The following ACAA1 variants were observed in gnomAD, a reference collection of about 807,000 sequenced individuals.
ACAA1 encodes acetyl-CoA acyltransferase 1, also known as 3-ketoacyl-CoA thiolase, peroxisomal.
Under a neutral mutation model 48.8 loss-of-function variants are expected in ACAA1, and 44 were observed. The observed-to-expected ratio is 0.90, with a 90% CI of 0.71 to 1.16. The LOEUF (loss-of-function observed/expected upper bound fraction) is 1.16. Ranked by LOEUF, ACAA1 falls within the 50% of genes most tolerant of loss-of-function variation. ACAA1 has a pLI of 0.00. For missense variants in ACAA1, 512 were observed against 562.3 expected, an observed-to-expected ratio of 0.91 and a Z score of 0.90; for synonymous variants, 233 against 226.5, an observed-to-expected ratio of 1.03 and a Z score of -0.26.
At position 38,129,610 on chromosome 3, in the gene ACAA1, C is replaced by T. The variant is rs540085302; in HGVS notation, c.447-222G>A. On this transcript the variant is annotated intron_variant, in intron 5 of 11. Transcript: ENST00000333167. The surrounding 1 kb of genome is among the most constrained non-coding windows in gnomAD (Gnocchi z 5.3). ...ACCCCCACCCCAGGACAGAGCACTG[C>T]ACAATAAACACTCCTGGGGGCAGGG... Among the ~76,000 whole-genome samples, 8 of 152,316 alleles carry T rather than the reference C, an allele frequency of 5.3e-5. No homozygotes were observed. Among genetic ancestry groups the T allele is most frequent in the African/African-American group, 1.7e-4 (7 of 41,584 alleles).
chr3:38,124,686 C>A (rs1700638680), intron 11 of ACAA1: 2 of 145,206 alleles, frequency 1.4e-5, no homozygotes, highest in Non-Finnish European at 3.1e-5. Flanking sequence ...TTATCTTTCA[C>A]AAACGCAGGT....
chr3:38,136,257 A>G (rs1188725754), intron 2 of ACAA1, among the ~76,000 whole-genome samples: 1 of 152,146 alleles, frequency 6.6e-6, no homozygotes, highest in African/African-American at 2.4e-5. Flanking sequence ...CTACACAGAC[A>G]CAGTAACAGT....
chr3:38,133,834 G>T, intron 3 of ACAA1, 118 bp downstream of exon 3: 1 of 1,008,100 alleles, frequency 9.9e-7, no homozygotes, highest in Non-Finnish European at 1.5e-6. Context: ...AAGGACTCTC[G>T]TTGCCTCATT....
At chr3:38,132,187 A>C in intron 3 of ACAA1, 182 bp from the exon 4 acceptor site, 1 of 476,858 alleles carries the variant, frequency 2.1e-6, no homozygotes, top group East Asian at 3.9e-5. Context: ...TACTGGGCAG[A>C]CCCCATCTCT....
chr3:38,133,986 C>T lies in ACAA1; in HGVS notation c.289G>A (p.Gly97Arg), dbSNP rs759328834. The T allele has an allele frequency of 3.7e-5, 59 of 1,613,914 alleles. No individual in the cohort carries two copies. Among genetic ancestry groups the T allele is most frequent in the Admixed American group, 1.7e-4 (10 of 59,956 alleles). The change falls in exon 3 of 12, where the codon GGG becomes AGG. Residue 97 changes from glycine to arginine, a missense_variant. By Grantham distance (125) the Gly-to-Arg change is moderately radical. Transcript: ENST00000333167. ...CVGNVLQPGA[G>R]AIMARIAQFL... ...TGGGCGATTCGGGCCATGATTGCCC[C>T]GGCCCCAGGCTGCAGCACATTTCCT... is the stretch of plus-strand genomic sequence containing the variant.
intron 3 of ACAA1, among the ~76,000 whole-genome samples, chr3:38,132,875 C>T (rs1700816120): frequency 6.6e-6 from 1 of 152,182 alleles, no homozygotes; most frequent in Non-Finnish European, 1.5e-5. Flanking sequence ...CAGGTAGTTA[C>T]CATTCCTTCA....
In ACAA1 at chr3:38,134,070, C is replaced by G. The variant is rs1700840823; in HGVS notation, c.266-61G>C. ...TGGTGTTCTGGGCACTAAAGTATAG[C>G]TGTGAAAACCAGAGATGAGGCATTC... On this transcript the variant is annotated intron_variant, in intron 2 of 11. Transcript: ENST00000333167. 5 of 1,513,334 alleles carry G rather than the reference C, an allele frequency of 3.3e-6. No homozygotes were observed. In the Admixed American group the frequency reaches 9.6e-5, roughly 29 times the overall value. The allele number at this position is 1,513,334 out of a possible 1,614,324, so 93.7% of individuals were successfully genotyped here.
At chr3:38,135,211 C>T (rs1432169604) in intron 2 of ACAA1, 1 of 152,190 alleles carries the variant, frequency 6.6e-6, no homozygotes, top group Non-Finnish European at 1.5e-5. Flanking sequence ...TTCTCCCCAC[C>T]ATCACCCTGT....
intron 11 of ACAA1, 92 bp from the exon 12 acceptor site, chr3:38,123,214 G>A: frequency 7.9e-7 from 1 of 1,272,712 alleles, no homozygotes; most frequent in East Asian, 2.3e-5. Context: ...GGACAAGTAG[G>A]ATGCAAAACC....
intron 2 of ACAA1, chr3:38,134,386 C>A (rs971719648): frequency 2.4e-6 from 1 of 421,274 alleles, no homozygotes; most frequent in Admixed American, 2.9e-5. Flanking sequence ...CAGTGATTGC[C>A]GACCTAGGGG....
intron 1 of ACAA1, 75 bp downstream of exon 1, chr3:38,136,790 A>G (rs1192169465): frequency 6.7e-7 from 1 of 1,486,312 alleles, no homozygotes; most frequent in Non-Finnish European, 8.9e-7. Flanking sequence ...CGTCCAGGAT[A>G]ACCAAACATA....
Position 38,125,605 on chromosome 3 carries a change from C to G in ACAA1, c.1159G>C (p.Val387Leu). The G allele has an allele frequency of 1.3e-6, 2 of 1,591,758 alleles. No homozygotes were observed. The highest frequency in any genetic ancestry group is 1.7e-6 in the Non-Finnish European group (2 of 1,168,218). The change falls in exon 11 of 12, where the codon GTC becomes CTC. Residue 387 changes from valine (V) to leucine (L), a missense_variant. By Grantham distance (32) the Val-to-Leu change is conservative. Transcript: ENST00000333167. ...TTCAGCTCATTGAGCAGCGTGATGA[C>G]CTGTCGTGCCCCAGTGCAGCCCAGT... is the stretch of plus-strand genomic sequence containing the variant. ...HPLGCTGARQVITLLNELKRR... is the reference protein window; with the variant it reads ...HPLGCTGARQLITLLNELKRR...
Position 38,127,824 on chromosome 3 carries a change from C to T in ACAA1, c.588G>A (p.Arg196=), listed in dbSNP as rs765911750. 6.2e-7 allele frequency: 1 copy of T among 1,614,114 alleles called. No homozygotes were observed. The highest frequency in any genetic ancestry group is 8.5e-7 in the Non-Finnish European group (1 of 1,180,010). Residue 196 remains arginine, a synonymous_variant, in exon 7 of 12, where the codon CGG becomes CGA. Transcript: ENST00000333167. ...CCAGGGCAAAGGTATCCTGCTTCTC[C>T]CGTGAAATGCCAAACCGCTCAGCCA... The part of the protein sequence containing the change: ...ENVAERFGIS[R]EKQDTFALAS...
At position 38,126,418 on chromosome 3, in the gene ACAA1, A is replaced by T; in HGVS notation, c.818-77T>A. The T allele has an allele frequency of 6.2e-7, 1 of 1,606,748 alleles. No homozygotes were observed. Among genetic ancestry groups the T allele is most frequent in the African/African-American group, 1.3e-5 (1 of 74,828 alleles). On this transcript the variant is annotated intron_variant, in intron 8 of 11. Coordinates refer to ENST00000333167, the MANE Select transcript of ACAA1 (RefSeq NM_001607.4). The surrounding 1 kb of genome is among the most constrained non-coding windows in gnomAD (Gnocchi z 4.7). ...CCCAGCCCTCCCACTTCTACTTTGCAGAGGGGCCTGGTCTATTCCAGGTTC... is the reference window on the plus strand; with the variant it reads ...CCCAGCCCTCCCACTTCTACTTTGCTGAGGGGCCTGGTCTATTCCAGGTTC...
At chr3:38,133,702 C>T in intron 3 of ACAA1, 1 of 547,354 alleles carries the variant, frequency 1.8e-6, no homozygotes, top group Non-Finnish European at 3.3e-6. Flanking sequence ...AGGCAAATGA[C>T]AACCTGGCTT....
At chr3:38,132,047 A>G (rs184653956) in intron 3 of ACAA1, 42 bp from the exon 4 acceptor site, 61 of 1,556,754 alleles carry the variant, frequency 3.9e-5, no homozygotes, top group Non-Finnish European at 5.3e-5. Flanking sequence ...CCCCAATTCC[A>G]TGCCAGGCTC....
intron 11 of ACAA1, chr3:38,125,314 G>A (rs113557542): frequency 1.7e-4 from 62 of 360,872 alleles, no homozygotes; most frequent in African/African-American, 1.0e-3. Context: ...AAGTGTAGAA[G>A]TAAGAAGGGG....
At chr3:38,125,527 A>AT in intron 11 of ACAA1, 38 bp downstream of exon 11, 1 of 1,509,924 alleles carries the variant, frequency 6.6e-7, no homozygotes. Flanking sequence ...TAACTTGGAT[A>AT]TCCCCCTATG....
At chr3:38,134,308 G>A in intron 2 of ACAA1, 2 of 486,788 alleles carry the variant, frequency 4.1e-6, no homozygotes, top group Admixed American at 6.9e-5. Flanking sequence ...TGAAATGGGA[G>A]TTTCTGAAAA....
Sources: allele counts gnomAD v4.1 joint callset (sites outside exome capture counted in the v4.1 genomes callset), GRCh38; gene constraint gnomAD v4.1.1; non-coding constraint Gnocchi (gnomAD v3.1); transcripts MANE v1.5; gene names NCBI Gene and HGNC (gene_info 2026-07-23, HGNC 2026-07-21).